NUCB1: variants seen among roughly 807,000 people sequenced by gnomAD.
The protein encoded by NUCB1 is nucleobindin 1.
A neutral mutation model predicts 61.2 loss-of-function variants in NUCB1; 47 were observed. The observed-to-expected ratio is 0.77, with a 90% CI of 0.61 to 0.98. The LOEUF (loss-of-function observed/expected upper bound fraction) is 0.98. Ranked by LOEUF, NUCB1 falls within the 50% of genes least tolerant of loss-of-function variation. NUCB1 has a pLI of 0.00. For missense variants in NUCB1, 583 were observed against 605.3 expected (o/e 0.96, Z 0.39); for synonymous variants, 234 against 243.1 (o/e 0.96, Z 0.35).
At chr19:48,919,384 C>A (rs1364690776) in intron 10 of NUCB1, 98 bp downstream of exon 10, 4 of 852,832 alleles carry the variant, frequency 4.7e-6, no homozygotes, top group Non-Finnish European at 5.5e-6. Flanking sequence ...CTCTCTGGGT[C>A]CCCGTCCATT....
At chr19:48,921,133 G>GT (rs2037604731) in intron 10 of NUCB1, 21 bp from the exon 11 acceptor site, 5 of 1,584,910 alleles carry the variant, frequency 3.2e-6, no homozygotes, top group Non-Finnish European at 4.3e-6. Context: ...GCCCCTGATG[G>GT]CCCCTGTGCC....
intron 4 of NUCB1, among the ~76,000 whole-genome samples, chr19:48,906,403 CAAA>C (rs550726351): frequency 1.7e-5 from 2 of 115,906 alleles, no homozygotes; most frequent in Non-Finnish European, 1.8e-5. Context: ...AACTCTGACT[CAAA>C]AAAAAAAAAA....
chr19:48,911,066 G>C, intron 4 of NUCB1, 83 bp from the exon 5 acceptor site: 1 of 1,011,276 alleles, frequency 9.9e-7, no homozygotes, highest in Non-Finnish European at 1.5e-6. Context: ...TGCTGTCCGT[G>C]ACTTCTTTGG....
chr19:48,919,452 C>CTCAT (rs1555792216), intron 10 of NUCB1, among the ~76,000 whole-genome samples, 166 bp downstream of exon 10: 2 of 141,854 alleles, frequency 1.4e-5, no homozygotes, highest in African/African-American at 5.3e-5. Context: ...CTCTAGGACT[C>CTCAT]TTATTTATTT....
At chr19:48,920,135 C>T (rs1356224414) in intron 10 of NUCB1, among the ~76,000 whole-genome samples, 1 of 152,066 alleles carries the variant, frequency 6.6e-6, no homozygotes, top group Admixed American at 6.6e-5. Context: ...TCTGAAACTC[C>T]TGGACTCAAG....
intron 7 of NUCB1, among the ~76,000 whole-genome samples, chr19:48,914,695 C>T (rs977183833): frequency 6.6e-6 from 1 of 151,994 alleles, no homozygotes; most frequent in Non-Finnish European, 1.5e-5. Flanking sequence ...GTCTGTAATC[C>T]CAGCACTTTG....
Position 48,919,084 on chromosome 19 carries a change from G to A in NUCB1, c.871G>A (p.Glu291Lys), listed in dbSNP as rs973071718. 1 of 1,614,060 alleles carries A rather than the reference G, an allele frequency of 6.2e-7. No homozygotes were observed. The highest frequency in any genetic ancestry group is 1.3e-5 in the African/African-American group (1 of 74,926). Residue 291 changes from glutamate (E) to lysine (K), a missense_variant, in exon 9 of 13, where the codon GAG (glutamate) becomes AAG (lysine). Physicochemically the swap from Glu to Lys is moderately conservative, Grantham distance 56. Transcript: ENST00000405315. ...GGAGGACGACATGCGGGAGATGGAG[G>A]AGGAGCGACTGCGCATGCGGGAGCA... The part of the protein sequence containing the change: ...NEEDDMREME[E>K]ERLRMREHVM...
intron 2 of NUCB1, among the ~76,000 whole-genome samples, chr19:48,903,416 GGA>G (rs2037373169): frequency 8.2e-6 from 1 of 122,140 alleles, no homozygotes; most frequent in African/African-American, 3.7e-5. Flanking sequence ...GCGGGTGGAT[GGA>G]TGGGTGGGTG....
intron 4 of NUCB1, among the ~76,000 whole-genome samples, chr19:48,908,774 A>T (rs1023104003): frequency 4.6e-5 from 6 of 131,430 alleles, no homozygotes; most frequent in Non-Finnish European, 9.8e-5. Flanking sequence ...CTTTCTCCCC[A>T]CCTAACCAAG....
Position 48,911,150 on chromosome 19 carries a change from T to C in NUCB1, c.378T>C (p.Asn126=). 1 of 1,610,342 alleles carries C rather than the reference T, an allele frequency of 6.2e-7. No homozygotes were observed. The highest frequency in any genetic ancestry group is 8.5e-7 in the Non-Finnish European group (1 of 1,176,848). ...KAKMDAEQDP[N]VQVDHLNLLK... The stretch of plus-strand genomic sequence containing the variant: ...GTTGGACTCTTCCCTCTCTTCCAGA[T>C]GTACAGGTGGATCATCTGAATCTCC... The change falls in exon 5 of 13, where the codon AAT becomes AAC. Residue 126 remains asparagine, a splice_region_variant and synonymous_variant. Coordinates refer to ENST00000405315, the MANE Select transcript of NUCB1 (RefSeq NM_006184.6).
At chr19:48,912,759 C>A (rs2037489051) in intron 5 of NUCB1, among the ~76,000 whole-genome samples, 1 of 150,428 alleles carries the variant, frequency 6.6e-6, no homozygotes, top group Admixed American at 6.6e-5. Context: ...TCACTTGAAC[C>A]CGGAAGACAG....
intron 2 of NUCB1, among the ~76,000 whole-genome samples, chr19:48,903,430 ATGAG>A (rs760641716): frequency 4.5e-3 from 419 of 93,874 alleles, no homozygotes; most frequent in African/African-American, 0.01. Flanking sequence ...GGGTGGGTGG[ATGAG>A]TGGATGGATG....
At chr19:48,907,174 C>T (rs2037421499) in intron 4 of NUCB1, among the ~76,000 whole-genome samples, 1 of 151,388 alleles carries the variant, frequency 6.6e-6, no homozygotes, top group South Asian at 2.1e-4. Context: ...CGGAATTTCA[C>T]TGTATTAGCC....
At chr19:48,910,319 G>GC (rs893093073) in intron 4 of NUCB1, among the ~76,000 whole-genome samples, 26 of 151,006 alleles carry the variant, frequency 1.7e-4, no homozygotes, top group African/African-American at 5.6e-4. Context: ...CTTGTGATCC[G>GC]CCCCCCTTGG....
rs142931753 is a variant in NUCB1, at chr19:48,912,487, T to G, written c.481-524T>G. ...TATTGTATAACCGTCCCAATCTGTT[T>G]TGAATAAAGAGAAGAAAGTGTGTTA... On this transcript the variant is annotated intron_variant, in intron 5 of 12. Coordinates refer to ENST00000405315, the MANE Select transcript of NUCB1 (RefSeq NM_006184.6). 1.4e-4 allele frequency among the ~76,000 whole-genome samples: 21 copies of G among 152,158 alleles called. No homozygotes were observed. The East Asian group carries it at 3.7e-3, about 27-fold the overall frequency.
At chr19:48,913,404 A>T in intron 6 of NUCB1, 70 bp from the exon 7 acceptor site, 2 of 1,375,624 alleles carry the variant, frequency 1.5e-6, no homozygotes, top group Non-Finnish European at 2.1e-6. Flanking sequence ...ATGAGGGTAA[A>T]GGGATATTTG....
intron 5 of NUCB1, among the ~76,000 whole-genome samples, chr19:48,912,799 G>T (rs2037489447): frequency 6.9e-6 from 1 of 144,962 alleles, no homozygotes; most frequent in Non-Finnish European, 1.5e-5. Flanking sequence ...AGCAGAGATT[G>T]TGCCACCGCA....
At position 48,921,165 on chromosome 19, in the gene NUCB1, G is replaced by A. The variant is rs1184284458; in HGVS notation, c.1014G>A (p.Met338Ile). Residue 338 changes from methionine (M) to isoleucine (I), a missense_variant, in exon 11 of 13, where the codon ATG (methionine) becomes ATA (isoleucine). Coordinates refer to ENST00000405315, the MANE Select transcript of NUCB1 (RefSeq NM_006184.6). ...TGCCTGCCCTGCAGACAGTGGAGAT[G>A]CACCCTGCCTACACCGAGGAAGAGC... The part of the protein sequence containing the change: ...DTGEGWETVE[M>I]HPAYTEEELR... The A allele has an allele frequency of 6.2e-7, 1 of 1,608,308 alleles. No individual in the cohort carries two copies. The highest frequency in any genetic ancestry group is 1.1e-5 in the South Asian group (1 of 90,862).
At chr19:48,910,000 C>T (rs185911002) in intron 4 of NUCB1, among the ~76,000 whole-genome samples, 4 of 152,212 alleles carry the variant, frequency 2.6e-5, no homozygotes, top group Middle Eastern at 6.8e-3. Context: ...AACTTAGGAG[C>T]GTGCAATTTA....
Sources: gnomAD v4.1 joint callset for allele counts (sites outside exome capture counted in the v4.1 genomes callset) on GRCh38, gnomAD v4.1.1 for gene constraint, MANE v1.5 for transcripts, NCBI Gene and HGNC (gene_info 2026-07-23, HGNC 2026-07-21) for gene names.